The following UGGT2 variants were observed in gnomAD, a reference collection of about 807,000 sequenced individuals.
The protein encoded by UGGT2 is UDP-glucose glycoprotein glucosyltransferase 2.
UGGT2 carries 180 observed loss-of-function variants against 192.1 expected under a neutral mutation model. The ratio of observed to expected loss-of-function variants is 0.94; its 90% CI spans 0.83 to 1.06. UGGT2 has a LOEUF of 1.06. Ranked by LOEUF, UGGT2 falls within the 50% of genes least tolerant of loss-of-function variation. The pLI, the probability that UGGT2 is intolerant of heterozygous loss-of-function variation, is 0.00. For missense variants in UGGT2, 1,849 were observed against 1,795.7 expected (o/e 1.03, Z -0.54); for synonymous variants, 580 against 591.0 (o/e 0.98, Z 0.27).
At chr13:95,915,029 T>A (rs1163798680) in intron 20 of UGGT2, among the ~76,000 whole-genome samples, 3 of 152,192 alleles carry the variant, frequency 2.0e-5, no homozygotes, top group African/African-American at 7.2e-5. Context: ...AAGCCTGATA[T>A]TATCTGGCAC....
chr13:95,885,641 C>T (rs987689234), intron 26 of UGGT2, among the ~76,000 whole-genome samples: 28 of 152,142 alleles, frequency 1.8e-4, no homozygotes, highest in African/African-American at 6.8e-4. Flanking sequence ...GTGTGAGTCC[C>T]AGGCAGTGGT....
chr13:95,879,522 G>A (rs9670716), intron 27 of UGGT2, among the ~76,000 whole-genome samples: 1 of 152,072 alleles, frequency 6.6e-6, no homozygotes, highest in Non-Finnish European at 1.5e-5. Context: ...TGCAACATCC[G>A]CCTCCCGGGC....
intron 38 of UGGT2, among the ~76,000 whole-genome samples, chr13:95,804,560 G>T (rs1884214065): frequency 6.6e-6 from 1 of 152,124 alleles, no homozygotes; most frequent in African/African-American, 2.4e-5. Flanking sequence ...ATATTACAAA[G>T]CTTCAGTAAT....
At chr13:95,866,911 T>G (rs1890716671) in intron 30 of UGGT2, among the ~76,000 whole-genome samples, 1 of 152,090 alleles carries the variant, frequency 6.6e-6, no homozygotes, top group South Asian at 2.1e-4. Context: ...TTTTTTTAAA[T>G]TTTTATCTAA....
chr13:95,846,284 G>A (rs967919486), intron 36 of UGGT2, among the ~76,000 whole-genome samples: 1 of 152,160 alleles, frequency 6.6e-6, no homozygotes, highest in African/African-American at 2.4e-5. Flanking sequence ...AACCAGTCAG[G>A]CGTGGCAGCG....
At chr13:95,807,685 A>G (rs1181073045) in intron 38 of UGGT2, among the ~76,000 whole-genome samples, 1 of 138,266 alleles carries the variant, frequency 7.2e-6, no homozygotes. Flanking sequence ...TTTCTTCTAG[A>G]AATCCGTATC....
rs1252637777 is a variant in UGGT2, at chr13:95,867,326, T to C, written c.3558+13A>G. 1.9e-6 allele frequency: 3 copies of C among 1,591,482 alleles called. No individual in the cohort carries two copies. The highest frequency in any genetic ancestry group is 2.6e-6 in the Non-Finnish European group (3 of 1,169,372). On this transcript the variant is annotated intron_variant, in intron 30 of 38. Transcript: ENST00000376747. ...TAAGAACAAAGCCTATAAAAAGTTC[T>C]GCCCCCACATACTTTTACTTTGAGT...
chr13:95,995,617 A>G (rs2051593600), intron 7 of UGGT2, among the ~76,000 whole-genome samples: 1 of 152,180 alleles, frequency 6.6e-6, no homozygotes, highest in South Asian at 2.1e-4. Flanking sequence ...ACACAAAAAA[A>G]AAATTAAATG....
At chr13:95,992,080 T>C (rs1313055761) in intron 7 of UGGT2, among the ~76,000 whole-genome samples, 1 of 152,144 alleles carries the variant, frequency 6.6e-6, no homozygotes, top group Non-Finnish European at 1.5e-5. Context: ...GGAGAATTGC[T>C]TGAACCCGGG....
intron 27 of UGGT2, among the ~76,000 whole-genome samples, chr13:95,880,718 T>C (rs1264003241): frequency 6.6e-6 from 1 of 152,228 alleles, no homozygotes; most frequent in Non-Finnish European, 1.5e-5. Flanking sequence ...AGTGCTTGTG[T>C]TCAAGGAACC....
chr13:95,949,243 C>G, intron 13 of UGGT2, 92 bp downstream of exon 13: 1 of 1,223,412 alleles, frequency 8.2e-7, no homozygotes, highest in Non-Finnish European at 1.1e-6. Flanking sequence ...TTCCTTACAA[C>G]TCAGATGCCT....
intron 36 of UGGT2, among the ~76,000 whole-genome samples, chr13:95,848,096 AT>A (rs1429707800): frequency 1.3e-5 from 2 of 152,060 alleles, no homozygotes; most frequent in African/African-American, 4.8e-5. Context: ...TGTCATCTGT[AT>A]ATGTTCTTTG....
intron 12 of UGGT2, among the ~76,000 whole-genome samples, chr13:95,950,187 CCATA>C (rs1409229276): frequency 6.6e-6 from 1 of 152,084 alleles, no homozygotes; most frequent in East Asian, 1.9e-4. Flanking sequence ...AGAAAAATCT[CCATA>C]CAAATTCCTC....
chr13:95,890,172 A>G (rs1158463743), intron 25 of UGGT2, among the ~76,000 whole-genome samples: 4 of 152,154 alleles, frequency 2.6e-5, no homozygotes, highest in African/African-American at 9.7e-5. Flanking sequence ...TTTGGCTAAC[A>G]TTATTTATTA....
At chr13:95,873,896 T>G (rs1891437044) in intron 29 of UGGT2, among the ~76,000 whole-genome samples, 1 of 152,140 alleles carries the variant, frequency 6.6e-6, no homozygotes, top group South Asian at 2.1e-4. Context: ...AAGTTTCCTG[T>G]GTGAGGGAAA....
intron 24 of UGGT2, among the ~76,000 whole-genome samples, chr13:95,891,502 G>A (rs970962549): frequency 5.3e-5 from 8 of 151,836 alleles, no homozygotes; most frequent in African/African-American, 9.7e-5. Flanking sequence ...ATCTTTCACC[G>A]ATAAAAGTTC....
intron 37 of UGGT2, among the ~76,000 whole-genome samples, 172 bp from the exon 38 acceptor site, chr13:95,833,225 T>G (rs1343743910): frequency 6.6e-6 from 1 of 152,184 alleles, no homozygotes; most frequent in Non-Finnish European, 1.5e-5. Context: ...AACTTATGTA[T>G]GTAATAATTG....
chr13:96,049,104 C>T (rs926145915), intron 1 of UGGT2, among the ~76,000 whole-genome samples: 1 of 152,168 alleles, frequency 6.6e-6, no homozygotes, highest in African/African-American at 2.4e-5. Context: ...CAAACCAAAT[C>T]CAGCAGCATC....
Position 95,996,091 on chromosome 13 carries a change from C to T in UGGT2, c.802G>A (p.Val268Ile), listed in dbSNP as rs1374775530. The T allele has an allele frequency of 2.5e-6, 4 of 1,613,656 alleles. 1 individual carries two copies. In the South Asian group the frequency reaches 4.4e-5, roughly 18 times the overall value. The stretch of plus-strand genomic sequence containing the variant: ...AGTTTCCCAAAGAGAAATCCTTGAA[C>T]TTCATTTGTTTCAGTCTCATCCTCT... ...TVEDETETNE[V>I]QGFLFGKLKE... The change falls in exon 7 of 39, where the codon GTT becomes ATT. Residue 268 changes from valine to isoleucine, a missense_variant. Val to Ile is a conservative substitution (Grantham distance 29). Transcript: ENST00000376747.
Sources: gnomAD v4.1 joint callset for allele counts (sites outside exome capture counted in the v4.1 genomes callset) on GRCh38, gnomAD v4.1.1 for gene constraint, MANE v1.5 for transcripts, NCBI Gene and HGNC (gene_info 2026-07-23, HGNC 2026-07-21) for gene names.